ANXA8: variants seen among roughly 807,000 people sequenced by gnomAD.
ANXA8 encodes the protein annexin A8.
In ANXA8, 9 loss-of-function variants were observed where a neutral mutation model predicts 26.8. The observed-to-expected ratio is 0.34, with a 90% CI of 0.20 to 0.59. The LOEUF (loss-of-function observed/expected upper bound fraction) is 0.59, where lower values mean the gene tolerates loss of function less well. ANXA8 is among the 20% of genes least tolerant of loss of function. ANXA8 has a pLI of 0.84. For missense variants in ANXA8, 83 were observed against 238.5 expected (o/e 0.35, Z 4.29); for synonymous variants, 39 against 94.8 (o/e 0.41, Z 3.42).
chr10:47,907,301 G>T, the ANXA8 span, among the ~76,000 whole-genome samples: 6 of 152,132 alleles, frequency 3.9e-5, no homozygotes, highest in Non-Finnish European at 4.4e-5. Flanking sequence ...AGCTTGCAGT[G>T]AGCCGAGATC....
the ANXA8 span, among the ~76,000 whole-genome samples, chr10:47,901,843 A>C: frequency 6.6e-6 from 1 of 151,066 alleles, no homozygotes; most frequent in African/African-American, 2.4e-5. Flanking sequence ...GCCAAGAACA[A>C]ACTTGTATTT....
the ANXA8 span, among the ~76,000 whole-genome samples, chr10:47,709,655 C>T: frequency 2.4e-5 from 3 of 126,024 alleles, no homozygotes; most frequent in African/African-American, 1.0e-4. Context: ...CACTGTGAAT[C>T]TATAGTGGTC....
the ANXA8 span, chr10:47,501,962 C>T: frequency 8.5e-7 from 1 of 1,175,732 alleles, no homozygotes; most frequent in Non-Finnish European, 1.2e-6. Context: ...ACGAAAAGTA[C>T]TGAAAATGCT....
At chr10:47,685,118 G>A in the ANXA8 span, among the ~76,000 whole-genome samples, 49,738 of 141,794 alleles carry the variant, frequency 0.35, 7,346 homozygotes, top group East Asian at 0.65. Flanking sequence ...AGGCTGAGGC[G>A]GGCGGATCAG....
At chr10:47,504,846 CTTTTT>C in the ANXA8 span, among the ~76,000 whole-genome samples, 5 of 46,848 alleles carry the variant, frequency 1.1e-4, no homozygotes, top group South Asian at 6.8e-4. Flanking sequence ...CATAACTGTT[CTTTTT>C]TTTTTTTTTT....
chr10:47,936,752 C>T, the ANXA8 span, among the ~76,000 whole-genome samples: 1 of 150,716 alleles, frequency 6.6e-6, no homozygotes, highest in Admixed American at 6.6e-5. Flanking sequence ...ATCATATAAG[C>T]CCAAGGTCCG....
At chr10:47,583,750 T>C in the ANXA8 span, among the ~76,000 whole-genome samples, 1 of 146,578 alleles carries the variant, frequency 6.8e-6, no homozygotes, top group Non-Finnish European at 1.5e-5. Flanking sequence ...CTAGAATTTT[T>C]GATTAAAATC....
chr10:47,636,514 A>G, the ANXA8 span, among the ~76,000 whole-genome samples: 7 of 145,550 alleles, frequency 4.8e-5, no homozygotes, highest in South Asian at 1.5e-3. Flanking sequence ...ATCATTTTTT[A>G]GAAGTTTTAT....
At chr10:47,707,061 A>C in the ANXA8 span, among the ~76,000 whole-genome samples, 1 of 143,636 alleles carries the variant, frequency 7.0e-6, no homozygotes, top group Non-Finnish European at 1.6e-5. Flanking sequence ...TAATGTAATC[A>C]TCAAAATGAT....
At chr10:47,655,976 C>T in the ANXA8 span, among the ~76,000 whole-genome samples, 1 of 152,018 alleles carries the variant, frequency 6.6e-6, no homozygotes, top group Non-Finnish European at 1.5e-5. Context: ...GCCGAGATTG[C>T]ACCATTGCAC....
chr10:47,670,273 G>T, the ANXA8 span, among the ~76,000 whole-genome samples: 1 of 151,762 alleles, frequency 6.6e-6, no homozygotes, highest in Non-Finnish European at 1.5e-5. Flanking sequence ...ATGAACTTTT[G>T]GGTTGTTTCT....
At chr10:47,509,917 TG>T in the ANXA8 span, among the ~76,000 whole-genome samples, 2 of 140,950 alleles carry the variant, frequency 1.4e-5, no homozygotes, top group East Asian at 5.9e-4. Flanking sequence ...CTTCTCACTG[TG>T]TTCAACATTG....
chr10:47,566,424 C>T, the ANXA8 span, among the ~76,000 whole-genome samples: 1 of 151,780 alleles, frequency 6.6e-6, no homozygotes, highest in Admixed American at 6.6e-5. Flanking sequence ...AACTGAGCCG[C>T]AGAAACCCCC....
At chr10:47,586,482 T>G in the ANXA8 span, among the ~76,000 whole-genome samples, 35 of 145,454 alleles carry the variant, frequency 2.4e-4, 6 homozygotes, top group African/African-American at 9.9e-4. Flanking sequence ...GTGAACCTGT[T>G]TCTTTAACAG....
chr10:47,502,579 C>G, the ANXA8 span: 8 of 1,499,338 alleles, frequency 5.3e-6, no homozygotes, highest in South Asian at 1.2e-5. Flanking sequence ...CTCCAGAGAT[C>G]GCACACGGGA....
the ANXA8 span, among the ~76,000 whole-genome samples, chr10:47,643,556 C>A: frequency 1.6e-3 from 238 of 148,074 alleles, 6 homozygotes; most frequent in African/African-American, 5.6e-3. Flanking sequence ...ATCAATCAAT[C>A]AATAAAACTT....
the ANXA8 span, among the ~76,000 whole-genome samples, chr10:47,947,579 C>G: frequency 6.6e-6 from 1 of 150,806 alleles, no homozygotes; most frequent in African/African-American, 2.5e-5. Flanking sequence ...GGCAGATTTC[C>G]CCCTTGCTGT....
the ANXA8 span, among the ~76,000 whole-genome samples, chr10:47,645,122 T>A: frequency 6.6e-6 from 1 of 151,246 alleles, no homozygotes; most frequent in Admixed American, 6.6e-5. Flanking sequence ...TTAATAACAT[T>A]TGAAAAAATA....
chr10:47,959,181 C>A, the ANXA8 span, among the ~76,000 whole-genome samples: 2 of 146,274 alleles, frequency 1.4e-5, no homozygotes, highest in Non-Finnish European at 3.0e-5. Context: ...CTGGACATCC[C>A]GAGGTAGAGA....
Sources: gnomAD v4.1 joint callset for allele counts (sites outside exome capture counted in the v4.1 genomes callset) on GRCh38, gnomAD v4.1.1 for gene constraint, MANE v1.5 for transcripts, NCBI Gene and HGNC (gene_info 2026-07-23, HGNC 2026-07-21) for gene names.